CSRP3: variants seen among roughly 807,000 people sequenced by gnomAD.
CSRP3 encodes cysteine and glycine rich protein 3, also known as cysteine and glycine-rich protein 3.
In CSRP3, 24 loss-of-function variants were observed where a neutral mutation model predicts 24.3. The observed-to-expected ratio is 0.99, with a 90% CI of 0.71 to 1.39. The LOEUF is 1.39. Ranked by LOEUF, CSRP3 falls within the 40% of genes most tolerant of loss-of-function variation. CSRP3 has a pLI of 0.00. For missense variants in CSRP3, 240 were observed against 249.0 expected (o/e 0.96, Z 0.24); for synonymous variants, 105 against 94.0 (o/e 1.12, Z -0.68).
intron 4 of CSRP3, 119 bp from the exon 5 acceptor site, chr11:19,185,164 A>C: frequency 1.3e-6 from 1 of 762,252 alleles, no homozygotes; most frequent in Non-Finnish European, 2.3e-6. Context: ...TGCTTACCTA[A>C]TGGGCCCCAT....
At chr11:19,185,234 A>C (rs905254639) in intron 4 of CSRP3, among the ~76,000 whole-genome samples, 189 bp from the exon 5 acceptor site, 3 of 152,238 alleles carry the variant, frequency 2.0e-5, no homozygotes, top group African/African-American at 7.2e-5. Flanking sequence ...ACTTCTCAGA[A>C]GCCTGAAAAT....
In CSRP3 at chr11:19,192,421, A is replaced by G. The variant is rs2133516498; in HGVS notation, c.28T>C (p.Cys10Arg). Residue 10 changes from cysteine to arginine, a missense_variant, in exon 2 of 6, where the codon TGT becomes CGT. Transcript: ENST00000265968. MPNWGGGAK[C>R]GACEKTVYHA... ...TAGACGGTCTTTTCACAGGCTCCAC[A>G]TTTTGCGCCTCCGCCCCAGTTTGGC... 2 of 1,614,144 alleles carry G rather than the reference A, an allele frequency of 1.2e-6. No individual in the cohort carries two copies. Among genetic ancestry groups the G allele is most frequent in the Non-Finnish European group, 1.7e-6 (2 of 1,180,020 alleles).
At chr11:19,192,697 T>C (rs1032759472) in intron 1 of CSRP3, among the ~76,000 whole-genome samples, 1 of 152,222 alleles carries the variant, frequency 6.6e-6, no homozygotes, top group Non-Finnish European at 1.5e-5. Context: ...ACTCAGTTTC[T>C]TCTCCTGTTA....
At position 19,182,108 on chromosome 11, in the gene CSRP3, C is replaced by T. The variant is rs1215978308; in HGVS notation, c.*562G>A. The T allele has an allele frequency of 6.4e-6, 1 of 155,304 alleles. No individual in the cohort carries two copies. Among genetic ancestry groups the T allele is most frequent in the African/African-American group, 2.4e-5 (1 of 41,428 alleles). The allele number at this position is 155,304 out of a possible 1,614,324, so 9.6% of individuals were successfully genotyped here. ...ACGAGATGTGTAACATTACAAAGCC[C>T]CACGATAGGACAAAGGGATCAACTC... is the stretch of plus-strand genomic sequence containing the variant. On this transcript the variant is annotated 3_prime_UTR_variant, in exon 6 of 6. Coordinates refer to ENST00000265968, the MANE Select transcript of CSRP3 (RefSeq NM_003476.5).
intron 5 of CSRP3, among the ~76,000 whole-genome samples, 183 bp from the exon 6 acceptor site, chr11:19,182,929 G>C (rs573571768): frequency 3.3e-5 from 5 of 152,302 alleles, no homozygotes; most frequent in Admixed American, 3.3e-4. Flanking sequence ...GGCTGAGGCA[G>C]GCAGATCACC....
intron 1 of CSRP3, among the ~76,000 whole-genome samples, chr11:19,196,336 C>T (rs918516001): frequency 3.3e-5 from 5 of 152,074 alleles, no homozygotes; most frequent in African/African-American, 9.7e-5. Flanking sequence ...ACCTTGAACT[C>T]GGGTAAAAAA....
rs1476459032 is a variant in CSRP3, at chr11:19,186,284, C to T, written c.346G>A (p.Glu116Lys). The T allele has an allele frequency of 6.2e-7, 1 of 1,614,216 alleles. No individual in the cohort carries two copies. Among genetic ancestry groups the T allele is most frequent in the Admixed American group, 1.7e-5 (1 of 60,024 alleles). ...CCACATCGAGGGCACTTCTCGGACT[C>T]TCCAAACTTCGCAGTGAATTTGGAA... is the stretch of plus-strand genomic sequence containing the variant. ...NPSKFTAKFG[E>K]SEKCPRCGKS... The change falls in exon 4 of 6, where the codon GAG becomes AAG. Residue 116 changes from glutamate to lysine, a missense_variant. By Grantham distance (56) the Glu-to-Lys change is moderately conservative. Transcript: ENST00000265968.
At position 19,186,295 on chromosome 11, in the gene CSRP3, G is replaced by A. The variant is rs753711278; in HGVS notation, c.335C>T (p.Ala112Val). 40 of 1,614,052 alleles carry A rather than the reference G, an allele frequency of 2.5e-5. No individual in the cohort carries two copies. The highest frequency in any genetic ancestry group is 3.1e-5 in the Non-Finnish European group (36 of 1,180,020). Residue 112 changes from alanine to valine, a missense_variant, in exon 4 of 6, where the codon GCG becomes GTG. Ala to Val is a moderately conservative substitution (Grantham distance 64). Coordinates refer to ENST00000265968, the MANE Select transcript of CSRP3 (RefSeq NM_003476.5). ...GCACTTCTCGGACTCTCCAAACTTC[G>A]CAGTGAATTTGGAAGGGTTGCTGGT... ...VTTSNPSKFT[A>V]KFGESEKCPR...
rs770760020 is a variant in CSRP3 at position 19,182,744 on chromosome 11, A to C, written c.511T>G (p.Cys171Gly). The part of the protein sequence containing the change: ...DKDGELYCKV[C>G]YAKNFGPTGI... Reference sequence around the variant, plus strand: ...GTGGGGCCAAAATTTTTGGCATAGCAAACTGTGAATGAGAAGAGGATGAAG... The same window carrying C: ...GTGGGGCCAAAATTTTTGGCATAGCCAACTGTGAATGAGAAGAGGATGAAG... The change falls in exon 6 of 6, where the codon TGC (cysteine) becomes GGC (glycine). Residue 171 changes from cysteine to glycine, a missense_variant and splice_region_variant. By Grantham distance (159) the Cys-to-Gly change is radical. Transcript: ENST00000265968. 1.9e-6 allele frequency: 3 copies of C among 1,612,440 alleles called. No homozygotes were observed. Among genetic ancestry groups the C allele is most frequent in the Non-Finnish European group, 1.7e-6 (2 of 1,178,412 alleles).
chr11:19,197,388 C>CCCTTCCTTCCTTCCTTCCTT (rs869090928), intron 1 of CSRP3, among the ~76,000 whole-genome samples: 2 of 10,858 alleles, frequency 1.8e-4, no homozygotes, highest in African/African-American at 6.0e-4. Context: ...CTCCCTCCCT[C>CCCTTCCTTCCTTCCTTCCTT]CCTTCCTTCC....
intron 1 of CSRP3, among the ~76,000 whole-genome samples, chr11:19,197,501 C>CTCTT (rs747850845): frequency 0.12 from 7,869 of 66,894 alleles, 1,114 homozygotes; most frequent in Middle Eastern, 0.14. Flanking sequence ...CCCTCTTTTC[C>CTCTT]TCTTTCTTTC....
At chr11:19,199,501 T>G (rs776682636) in intron 1 of CSRP3, among the ~76,000 whole-genome samples, 1 of 152,196 alleles carries the variant, frequency 6.6e-6, no homozygotes, top group Non-Finnish European at 1.5e-5. Flanking sequence ...AACTCACTCT[T>G]TGTTCTATTT....
chr11:19,198,349 G>A (rs1850777049), intron 1 of CSRP3, among the ~76,000 whole-genome samples: 1 of 152,226 alleles, frequency 6.6e-6, no homozygotes, highest in African/African-American at 2.4e-5. Context: ...GATGGGAATT[G>A]AGACGTGACC....
rs1401240074 is a variant in CSRP3 at position 19,197,351 on chromosome 11, TC to T, written c.-29+4602del. 4.7e-4 allele frequency among the ~76,000 whole-genome samples: 23 copies of T among 49,304 alleles called. 3 individuals carry two copies. The highest frequency in any genetic ancestry group is 4.2e-3 in the African/African-American group (22 of 5,288). The allele number at this position is 49,304 out of a possible 152,430, so 32.3% of individuals were successfully genotyped here. A position where few individuals can be genotyped will look rare whatever the true frequency, so the allele number is the denominator to read the frequency against. ...ATCCAACTATTTCTCCCTCCCTCCC[TC>T]CCTCCCTCCCTCCCTCCCTCCCTCC... On this transcript the variant is annotated intron_variant, in intron 1 of 5. Transcript: ENST00000265968.
In CSRP3 at chr11:19,182,617, T is replaced by A; in HGVS notation, c.*53A>T. 1 of 1,392,376 alleles carries A rather than the reference T, an allele frequency of 7.2e-7. No individual in the cohort carries two copies. The highest frequency in any genetic ancestry group is 1.0e-6 in the Non-Finnish European group (1 of 977,284). 86.3% of individuals were successfully genotyped at this position (1,392,376 alleles called of 1,614,324 possible). On this transcript the variant is annotated 3_prime_UTR_variant, in exon 6 of 6. Coordinates refer to ENST00000265968, the MANE Select transcript of CSRP3 (RefSeq NM_003476.5). Reference sequence around the variant, plus strand: ...GGGAAAGGTATCGATCTGTGCAGGATTACTTGGCAAGTGTTTTAGGCTCGC... The same window carrying A: ...GGGAAAGGTATCGATCTGTGCAGGAATACTTGGCAAGTGTTTTAGGCTCGC...
chr11:19,197,501 C>CTCTTTCGTTCTTTCTTTCTT (rs1491110501), intron 1 of CSRP3, among the ~76,000 whole-genome samples: 19 of 67,126 alleles, frequency 2.8e-4, no homozygotes, highest in African/African-American at 9.8e-4. Flanking sequence ...CCCTCTTTTC[C>CTCTTTCGTTCTTTCTTTCTT]TCTTTCTTTC....
At chr11:19,183,738 T>C (rs1850477092) in intron 5 of CSRP3, among the ~76,000 whole-genome samples, 1 of 152,222 alleles carries the variant, frequency 6.6e-6, no homozygotes, top group Non-Finnish European at 1.5e-5. Context: ...GATAGTGAGC[T>C]AGTTCCCATC....
intron 1 of CSRP3, among the ~76,000 whole-genome samples, chr11:19,198,119 T>C (rs1850772545): frequency 6.6e-6 from 1 of 152,234 alleles, no homozygotes; most frequent in African/African-American, 2.4e-5. Flanking sequence ...ACATATATTA[T>C]TTTTTAATAC....
chr11:19,191,222 T>A (rs1201400503), intron 2 of CSRP3, among the ~76,000 whole-genome samples: 1 of 152,210 alleles, frequency 6.6e-6, no homozygotes, highest in Non-Finnish European at 1.5e-5. Flanking sequence ...CCGAATCCCT[T>A]TTACTCTAAT....
Sources: gnomAD v4.1 joint callset for allele counts (sites outside exome capture counted in the v4.1 genomes callset) on GRCh38, gnomAD v4.1.1 for gene constraint, MANE v1.5 for transcripts, NCBI Gene and HGNC (gene_info 2026-07-23, HGNC 2026-07-21) for gene names.